Variants in VARS1 observed in about 807,000 individuals in gnomAD.
VARS1 encodes valine--tRNA ligase.
A neutral mutation model predicts 161.0 loss-of-function variants in VARS1; 92 were observed. The ratio of observed to expected loss-of-function variants is 0.57; its 90% CI spans 0.48 to 0.68. VARS1 has a LOEUF of 0.68. VARS1 is among the 30% of genes least tolerant of loss of function. The pLI is 0.00. For missense variants in VARS1, 1,338 were observed against 1,695.9 expected (o/e 0.79, Z 3.71); for synonymous variants, 595 against 682.5 (o/e 0.87, Z 2.00).
At chr6:31,792,638 C>T in intron 4 of VARS1, 119 bp downstream of exon 4, 1 of 1,591,876 alleles carries the variant, frequency 6.3e-7, no homozygotes, top group South Asian at 1.1e-5. Context: ...TCCCCCCTCT[C>T]CCTCCTCTCC....
chr6:31,789,301 GA>G (rs1328717642), intron 8 of VARS1, among the ~76,000 whole-genome samples: 1 of 151,904 alleles, frequency 6.6e-6, no homozygotes, highest in Non-Finnish European at 1.5e-5. Flanking sequence ...GAAAAACGGG[GA>G]AAAGATAGAT....
At position 31,779,965 on chromosome 6, in the gene VARS1, C is replaced by T; in HGVS notation, c.3081+33G>A. ...CAGGGCTCTGCTGCCCACCTGCCCC[C>T]ACCATCCCCTGCCCCGCTGTGCTCC... On this transcript the variant is annotated intron_variant, in intron 26 of 29. Transcript: ENST00000375663. The surrounding 1 kb of genome is among the most constrained non-coding windows in gnomAD (Gnocchi z 9.1). 1.2e-6 allele frequency: 2 copies of T among 1,611,184 alleles called. No individual in the cohort carries two copies. The highest frequency in any genetic ancestry group is 1.7e-6 in the Non-Finnish European group (2 of 1,178,552).
Position 31,780,403 on chromosome 6 carries a change from G to A in VARS1, c.2925+38C>T, listed in dbSNP as rs1315008579. ...TGCTCCGGACAGGGGTACAGCCTGT[G>A]TGAGTGCTGCCAGCTTTGCTGCCCA... is the stretch of plus-strand genomic sequence containing the variant. On this transcript the variant is annotated intron_variant, in intron 25 of 29. Coordinates refer to ENST00000375663, the MANE Select transcript of VARS1 (RefSeq NM_006295.3). This position sits in a 1 kb window ranked among gnomAD's most constrained non-coding sequence, Gnocchi z 5.1. The A allele has an allele frequency of 1.9e-6, 3 of 1,600,822 alleles. No homozygotes were observed. Among genetic ancestry groups the A allele is most frequent in the Non-Finnish European group, 2.6e-6 (3 of 1,173,438 alleles).
rs1813347747 is a variant in VARS1, at chr6:31,784,312, G to A, written c.1577-4C>T. The A allele has an allele frequency of 1.2e-6, 2 of 1,614,158 alleles. No individual in the cohort carries two copies. Among genetic ancestry groups the A allele is most frequent in the Non-Finnish European group, 1.7e-6 (2 of 1,180,036 alleles). On this transcript the variant is annotated splice_region_variant and splice_polypyrimidine_tract_variant and intron_variant, in intron 12 of 29. Transcript: ENST00000375663. The surrounding 1 kb of genome is among the most constrained non-coding windows in gnomAD (Gnocchi z 6.1). ...ACCACCACCTCCTCGTCGCTATCTG[G>A]GGTGACAGAAGGCCTTGTGGTCTTG...
rs1361023017 is a variant in VARS1, at chr6:31,779,667, G to A, written c.3229C>T (p.Arg1077Trp). 5.6e-6 allele frequency: 9 copies of A among 1,612,900 alleles called. No individual in the cohort carries two copies. Among genetic ancestry groups the A allele is most frequent in the South Asian group, 1.1e-5 (1 of 91,080 alleles). ...CTAGGGGGAGCTTGCGGCATCCTCC[G>A]GGGCAGCCTCTGGAACAGCTCCTCC... ...VTEELFQRLP[R>W]RMPQAPPSLC... Residue 1077 changes from arginine (R) to tryptophan (W), a missense_variant, in exon 27 of 30, where the codon CGG becomes TGG. By Grantham distance (101) the Arg-to-Trp change is moderately radical. This residue lies in a region of VARS1 where 433 missense variants were observed against 586.2 expected (regional missense o/e 0.74). Transcript: ENST00000375663. This position sits in a 1 kb window ranked among gnomAD's most constrained non-coding sequence, Gnocchi z 9.1.
chr6:31,783,043 T>G, intron 14 of VARS1, 53 bp downstream of exon 14: 1 of 1,595,164 alleles, frequency 6.3e-7, no homozygotes, highest in East Asian at 2.2e-5. Flanking sequence ...GATGGACAGC[T>G]AGGGTGCAGC....
rs1264770015 is a variant in VARS1 at position 31,780,488 on chromosome 6, C to T, written c.2878G>A (p.Ala960Thr). 1.2e-5 allele frequency: 19 copies of T among 1,613,954 alleles called. No individual in the cohort carries two copies. The highest frequency in any genetic ancestry group is 1.7e-5 in the Admixed American group (1 of 59,996). ...CNKLWNATKF[A>T]LRGLGKGFVP... ...AAACCCTTCCCAAGGCCACGAAGGG[C>T]AAACTTGGTGGCATTCCAGAGCTTG... The change falls in exon 25 of 30, where the codon GCC (alanine) becomes ACC (threonine). Residue 960 changes from alanine (A) to threonine (T), a missense_variant. Around this residue, in one of 3 missense-constraint regions of VARS1, gnomAD observed 433 missense variants for 586.2 expected, o/e 0.74. Transcript: ENST00000375663. The surrounding 1 kb of genome is among the most constrained non-coding windows in gnomAD (Gnocchi z 5.1).
chr6:31,794,775 CCT>C, intron 2 of VARS1, 54 bp downstream of exon 2: 1 of 1,502,178 alleles, frequency 6.7e-7, no homozygotes, highest in Non-Finnish European at 8.9e-7. Flanking sequence ...CCATTCCAGT[CCT>C]CGCTTCCCTC....
chr6:31,784,191 CCTAA>C lies in VARS1; in HGVS notation c.1671+19_1671+22del. The C allele has an allele frequency of 6.2e-7, 1 of 1,613,928 alleles. No individual in the cohort carries two copies. Among genetic ancestry groups the C allele is most frequent in the Non-Finnish European group, 8.5e-7 (1 of 1,179,872 alleles). On this transcript the variant is annotated intron_variant, in intron 13 of 29. Coordinates refer to ENST00000375663, the MANE Select transcript of VARS1 (RefSeq NM_006295.3). The surrounding 1 kb of genome is among the most constrained non-coding windows in gnomAD (Gnocchi z 6.1). ...AGCCCTTTTTGGCCAGAACTCCTTCCCTAACTGTGGACAGTCCCCCACCTGGTAT... is the reference window on the plus strand; with the variant it reads ...AGCCCTTTTTGGCCAGAACTCCTTCCCTGTGGACAGTCCCCCACCTGGTAT...
At position 31,784,622 on chromosome 6, in the gene VARS1, G is replaced by A. The variant is rs1813380427; in HGVS notation, c.1440C>T (p.Thr480=). 2 of 1,613,066 alleles carry A rather than the reference G, an allele frequency of 1.2e-6. No homozygotes were observed. Among genetic ancestry groups the A allele is most frequent in the Non-Finnish European group, 8.5e-7 (1 of 1,180,044 alleles). Residue 480 remains threonine (T), a synonymous_variant, in exon 11 of 30, where the codon ACC becomes ACT. Coordinates refer to ENST00000375663, the MANE Select transcript of VARS1 (RefSeq NM_006295.3). This position sits in a 1 kb window ranked among gnomAD's most constrained non-coding sequence, Gnocchi z 6.1. ...CAATGTCAGAGATGGCGGAGTTGAG[G>A]GTGCAGGACCAGTTAACAAGGCGGG... ...RSTRLVNWSC[T]LNSAISDIEV...
At chr6:31,786,665 CAAAAAA>C (rs9279417) in intron 8 of VARS1, among the ~76,000 whole-genome samples, 8 of 31,610 alleles carry the variant, frequency 2.5e-4, no homozygotes, top group Admixed American at 1.4e-3. Context: ...GACTCTGTCT[CAAAAAA>C]AAAAAAAAAA....
chr6:31,790,741 G>C (rs1337308530), intron 8 of VARS1, among the ~76,000 whole-genome samples: 1 of 151,544 alleles, frequency 6.6e-6, no homozygotes, highest in African/African-American at 2.4e-5. Context: ...ATCTCCAAGA[G>C]AAAGTATTAA....
chr6:31,792,930 C>T, intron 3 of VARS1, 35 bp from the exon 4 acceptor site: 6 of 1,614,186 alleles, frequency 3.7e-6, no homozygotes, highest in Non-Finnish European at 5.1e-6. Flanking sequence ...TCTCAGTCAC[C>T]CTACAGTGAG....
At position 31,784,779 on chromosome 6, in the gene VARS1, A is replaced by T; in HGVS notation, c.1348-65T>A. ...TGCCTGGAGGCCCAGGCAGACACCC[A>T]GGGCTCCAGTGAGGCCTTGCCCATA... is the stretch of plus-strand genomic sequence containing the variant. On this transcript the variant is annotated intron_variant, in intron 10 of 29. Transcript: ENST00000375663. This position sits in a 1 kb window ranked among gnomAD's most constrained non-coding sequence, Gnocchi z 6.1. The T allele has an allele frequency of 6.2e-7, 1 of 1,606,602 alleles. No individual in the cohort carries two copies. Among genetic ancestry groups the T allele is most frequent in the South Asian group, 1.1e-5 (1 of 90,064 alleles).
rs764990990 is a variant in VARS1 at position 31,782,570 on chromosome 6, G to A, written c.1951C>T (p.Arg651Cys). The change falls in exon 16 of 30, where the codon CGT becomes TGT. Residue 651 changes from arginine (R) to cysteine (C), a missense_variant. By Grantham distance (180) the Arg-to-Cys change is radical. This residue lies in a region of VARS1 where 902 missense variants were observed against 1,090.3 expected (regional missense o/e 0.83). Transcript: ENST00000375663. The surrounding 1 kb of genome is among the most constrained non-coding windows in gnomAD (Gnocchi z 8.3). ...ACCATGGGGTTGTCCTCAATGCCAC[G>A]GAACAGTCCCCGCTCCTTCAGCGCC... Reference protein sequence around the residue: ...LVALKERGLFRGIEDNPMVVP... With the variant: ...LVALKERGLFCGIEDNPMVVP... The A allele has an allele frequency of 1.9e-6, 3 of 1,613,030 alleles. No individual in the cohort carries two copies. Among genetic ancestry groups the A allele is most frequent in the Admixed American group, 1.7e-5 (1 of 60,026 alleles).
chr6:31,792,439 A>G lies in VARS1; in HGVS notation c.739T>C (p.Phe247Leu). ...EAKKREKLEK[F>L]QQKQKIQQQQ... ...TGTTGGATCTTCTGCTTCTGTTGGA[A>G]TTTCTCTAGCTTCTCCCGTTTCTTT... Residue 247 changes from phenylalanine to leucine, a missense_variant, in exon 5 of 30, where the codon TTC becomes CTC. Phe to Leu is a conservative substitution (Grantham distance 22, BLOSUM62 0). This residue lies in a region of VARS1 where 902 missense variants were observed against 1,090.3 expected (regional missense o/e 0.83). Transcript: ENST00000375663. 5 of 1,613,520 alleles carry G rather than the reference A, an allele frequency of 3.1e-6. No homozygotes were observed. The highest frequency in any genetic ancestry group is 3.4e-6 in the Non-Finnish European group (4 of 1,179,884).
Position 31,795,484 on chromosome 6 carries a change from G to A in VARS1, c.-34+62C>T, listed in dbSNP as rs2151438415. The stretch of plus-strand genomic sequence containing the variant: ...ACCATCGCGGGGCTTCGGGGAGTGT[G>A]GAAGGCTCTCAGGAGCGGGTCGGCG... On this transcript the variant is annotated intron_variant, in intron 1 of 29. Coordinates refer to ENST00000375663, the MANE Select transcript of VARS1 (RefSeq NM_006295.3). This position sits in a 1 kb window ranked among gnomAD's most constrained non-coding sequence, Gnocchi z 6.9. The A allele has an allele frequency of 2.8e-6, 1 of 362,062 alleles. No homozygotes were observed. The highest frequency in any genetic ancestry group is 1.5e-4 in the South Asian group (1 of 6,892). The allele number at this position is 362,062 out of a possible 1,614,324, so 22.4% of individuals were successfully genotyped here. A position where few individuals can be genotyped will look rare whatever the true frequency, so the allele number is the denominator to read the frequency against.
rs1356142984 is a variant in VARS1, at chr6:31,781,042, C to T, written c.2626G>A (p.Val876Ile). ...ACCTGCAGGGAGATTCCATAGATGA[C>T]GTCCAGGGGATCGATGACATTGCCT... is the stretch of plus-strand genomic sequence containing the variant. ...SLGNVIDPLD[V>I]IYGISLQGLH... Residue 876 changes from valine (V) to isoleucine (I), a missense_variant, in exon 22 of 30, where the codon GTC becomes ATC. Physicochemically the swap from Val to Ile is conservative, Grantham distance 29. Coordinates refer to ENST00000375663, the MANE Select transcript of VARS1 (RefSeq NM_006295.3). This position sits in a 1 kb window ranked among gnomAD's most constrained non-coding sequence, Gnocchi z 6.8. The T allele has an allele frequency of 6.2e-6, 10 of 1,614,038 alleles. No individual in the cohort carries two copies. The Admixed American group carries it at 6.7e-5, about 11-fold the overall frequency.
In VARS1 at chr6:31,789,353, A is replaced by C. The variant is rs996948980; in HGVS notation, c.1100+2257T>G. ...ATGGGTAAACCTGACTGGCCAAAAA[A>C]CATGAAAATAGGCACAACTTCAATA... is the stretch of plus-strand genomic sequence containing the variant. On this transcript the variant is annotated intron_variant, in intron 8 of 29. Transcript: ENST00000375663. 3.5e-4 allele frequency among the ~76,000 whole-genome samples: 54 copies of C among 152,190 alleles called. 1 individual carries two copies. The highest frequency in any genetic ancestry group is 4.1e-4 in the South Asian group (2 of 4,830).
Sources: allele counts gnomAD v4.1 joint callset (sites outside exome capture counted in the v4.1 genomes callset), GRCh38; gene constraint gnomAD v4.1.1; regional missense constraint gnomAD v4.1.1; non-coding constraint Gnocchi (gnomAD v3.1); transcripts MANE v1.5; gene names NCBI Gene and HGNC (gene_info 2026-07-23, HGNC 2026-07-21).